The following ANKRD6 variants were observed in gnomAD, a reference collection of about 807,000 sequenced individuals.
ANKRD6 encodes ankyrin repeat domain 6, also known as ankyrin repeat domain-containing protein 6.
A neutral mutation model predicts 82.3 loss-of-function variants in ANKRD6; 56 were observed. That is an observed-to-expected ratio of 0.68 (90% CI 0.55 to 0.85). The LOEUF (loss-of-function observed/expected upper bound fraction) is 0.85, where lower values mean the gene tolerates loss of function less well. Ranked by LOEUF, ANKRD6 falls within the 40% of genes least tolerant of loss-of-function variation. ANKRD6 has a pLI of 0.00. For synonymous variants in ANKRD6, 347 were observed against 352.1 expected (o/e 0.99, Z 0.16); for missense variants, 852 against 907.6 (o/e 0.94, Z 0.79).
intron 1 of ANKRD6, among the ~76,000 whole-genome samples, chr6:89,462,803 T>G (rs1263702735): frequency 6.6e-6 from 1 of 152,170 alleles, no homozygotes; most frequent in Non-Finnish European, 1.5e-5. Flanking sequence ...TTTAGAGATG[T>G]TTTTACATTG....
rs1285687624 is a variant in ANKRD6 at position 89,624,164 on chromosome 6, G to A, written c.1218+107G>A. 3 of 1,294,342 alleles carry A rather than the reference G, an allele frequency of 2.3e-6. No homozygotes were observed. The African/African-American group carries it at 4.5e-5, about 19-fold the overall frequency. The allele number at this position is 1,294,342 out of a possible 1,614,324, so 80.2% of individuals were successfully genotyped here. On this transcript the variant is annotated intron_variant, in intron 12 of 15. Coordinates refer to ENST00000339746, the MANE Select transcript of ANKRD6 (RefSeq NM_001242809.2). The stretch of plus-strand genomic sequence containing the variant: ...AGGCACTTTAGGCATTGACTTAGTT[G>A]AGCACAAGCTTTGAAGGTAAGCCAG...
chr6:89,626,895 A>C (rs538686554), intron 13 of ANKRD6, among the ~76,000 whole-genome samples: 20 of 152,222 alleles, frequency 1.3e-4, no homozygotes, highest in Non-Finnish European at 2.8e-4. Context: ...TGAAGCACCA[A>C]AAATATTTGC....
chr6:89,510,984 C>CA (rs1369409076), intron 1 of ANKRD6, among the ~76,000 whole-genome samples: 2 of 152,176 alleles, frequency 1.3e-5, no homozygotes, highest in Non-Finnish European at 2.9e-5. Context: ...GCGGTAGAAT[C>CA]ACCTGCTGAC....
In ANKRD6 at chr6:89,625,036, A is replaced by G. The variant is rs77923129; in HGVS notation, c.1371+345A>G. 7.4e-4 allele frequency among the ~76,000 whole-genome samples: 112 copies of G among 152,328 alleles called. 3 individuals are homozygous for G. In the East Asian group the frequency reaches 0.02, roughly 28 times the overall value. On this transcript the variant is annotated intron_variant, in intron 13 of 15. Coordinates refer to ENST00000339746, the MANE Select transcript of ANKRD6 (RefSeq NM_001242809.2). Reference sequence around the variant, plus strand: ...GGTGGCTCACACCTGTAATCCCAGCACTTTGGGAAGCCAAGGCAGGCAGAT... The same window carrying G: ...GGTGGCTCACACCTGTAATCCCAGCGCTTTGGGAAGCCAAGGCAGGCAGAT...
chr6:89,439,511 C>T (rs916948162), intron 1 of ANKRD6, among the ~76,000 whole-genome samples: 3 of 152,052 alleles, frequency 2.0e-5, no homozygotes, highest in Non-Finnish European at 4.4e-5. Flanking sequence ...AAATGGTAGA[C>T]ATTAAAGGAT....
chr6:89,564,450 T>C (rs1788044237), intron 1 of ANKRD6, among the ~76,000 whole-genome samples: 1 of 152,200 alleles, frequency 6.6e-6, no homozygotes, highest in Non-Finnish European at 1.5e-5. Context: ...CCAGTGGTAA[T>C]TATCTAAACA....
At chr6:89,527,835 A>T (rs904298068) in intron 1 of ANKRD6, among the ~76,000 whole-genome samples, 1 of 151,922 alleles carries the variant, frequency 6.6e-6, no homozygotes, top group Non-Finnish European at 1.5e-5. Flanking sequence ...TTTTTGACAG[A>T]GTCTTGCTCT....
chr6:89,576,010 G>A (rs1791032047), intron 2 of ANKRD6, among the ~76,000 whole-genome samples: 1 of 152,116 alleles, frequency 6.6e-6, no homozygotes, highest in African/African-American at 2.4e-5. Context: ...TGTTTTAAGA[G>A]AAAGGCTCAC....
At chr6:89,513,533 G>T (rs1780823506) in intron 1 of ANKRD6, among the ~76,000 whole-genome samples, 2 of 152,230 alleles carry the variant, frequency 1.3e-5, no homozygotes, top group East Asian at 3.9e-4. Context: ...TATCCACATG[G>T]TTATAAATAG....
At chr6:89,551,067 C>T (rs1460633842) in intron 1 of ANKRD6, among the ~76,000 whole-genome samples, 1 of 152,196 alleles carries the variant, frequency 6.6e-6, no homozygotes, top group East Asian at 1.9e-4. Flanking sequence ...ATGATACAGA[C>T]TATGGAAATG....
chr6:89,452,328 C>A (rs1772937026), intron 1 of ANKRD6, among the ~76,000 whole-genome samples: 1 of 152,118 alleles, frequency 6.6e-6, no homozygotes, highest in South Asian at 2.1e-4. Context: ...CAAATTTAAG[C>A]AAGTAGAAGC....
At chr6:89,608,390 A>ATATATATATATATATATAT (rs1417947705) in intron 5 of ANKRD6, among the ~76,000 whole-genome samples, 2 of 143,066 alleles carry the variant, frequency 1.4e-5, no homozygotes, top group African/African-American at 2.9e-5. Flanking sequence ...ATATATGTAC[A>ATATATATATATATATATAT]ATTTCATGGC....
chr6:89,538,744 A>G (rs1003464298), intron 1 of ANKRD6, among the ~76,000 whole-genome samples: 1 of 152,174 alleles, frequency 6.6e-6, no homozygotes, highest in Non-Finnish European at 1.5e-5. Flanking sequence ...CATCAAATGT[A>G]GGAAATCCTA....
At chr6:89,451,941 A>C (rs1209928726) in intron 1 of ANKRD6, among the ~76,000 whole-genome samples, 1 of 152,200 alleles carries the variant, frequency 6.6e-6, no homozygotes, top group African/African-American at 2.4e-5. Context: ...TCACACCTCT[A>C]ATCCCAGCAC....
At chr6:89,503,371 A>G (rs1779472928) in intron 1 of ANKRD6, among the ~76,000 whole-genome samples, 1 of 152,146 alleles carries the variant, frequency 6.6e-6, no homozygotes, top group Non-Finnish European at 1.5e-5. Flanking sequence ...ACAGAAGGCC[A>G]TTGGTTCGGG....
chr6:89,621,990 C>A lies in ANKRD6; in HGVS notation c.861C>A (p.Ala287=), dbSNP rs1803523968. The A allele has an allele frequency of 1.2e-6, 2 of 1,612,756 alleles. No individual in the cohort carries two copies. The highest frequency in any genetic ancestry group is 1.3e-5 in the African/African-American group (1 of 75,020). Residue 287 remains alanine, a synonymous_variant, in exon 10 of 16, where the codon GCC becomes GCA. Coordinates refer to ENST00000339746, the MANE Select transcript of ANKRD6 (RefSeq NM_001242809.2). ...AGAGGCTCAAGGAAGAGAGGAGAGC[C>A]CAGTCTGTGCCAAGAGATGAGGTGG... ...KRERLKEERR[A]QSVPRDEVAQ... is the part of the protein sequence containing the mutation.
intron 2 of ANKRD6, among the ~76,000 whole-genome samples, chr6:89,578,239 T>G (rs566745975): frequency 6.6e-6 from 1 of 150,746 alleles, no homozygotes; most frequent in South Asian, 2.1e-4. Context: ...CTGTTAACAT[T>G]GGCTGCCTAG....
chr6:89,499,973 A>G (rs1028211549), intron 1 of ANKRD6, among the ~76,000 whole-genome samples: 1 of 152,172 alleles, frequency 6.6e-6, no homozygotes, highest in Non-Finnish European at 1.5e-5. Context: ...AAGCCTCTAT[A>G]AAATCGTACT....
At chr6:89,466,453 C>T (rs1284646650) in intron 1 of ANKRD6, among the ~76,000 whole-genome samples, 1 of 152,140 alleles carries the variant, frequency 6.6e-6, no homozygotes, top group African/African-American at 2.4e-5. Flanking sequence ...AATTTGTTGT[C>T]TTGCCTTTTT....
Sources: gnomAD v4.1 joint callset for allele counts (sites outside exome capture counted in the v4.1 genomes callset) on GRCh38, gnomAD v4.1.1 for gene constraint, MANE v1.5 for transcripts, NCBI Gene and HGNC (gene_info 2026-07-23, HGNC 2026-07-21) for gene names.